LAMA2: variants seen among roughly 807,000 people sequenced by gnomAD.
The protein encoded by LAMA2 is laminin subunit alpha-2.
A neutral mutation model predicts 364.8 loss-of-function variants in LAMA2; 269 were observed. The observed-to-expected ratio is 0.74, with a 90% confidence interval of 0.67 to 0.82. LAMA2 has a LOEUF of 0.82. Among genes scored for constraint, LAMA2 ranks in the 40% least tolerant of loss-of-function variants. The pLI is 0.00. For missense variants in LAMA2, 3,807 were observed against 3,873.2 expected, an observed-to-expected ratio of 0.98 and a Z score of 0.45; for synonymous variants, 1,379 against 1,370.6, an observed-to-expected ratio of 1.01 and a Z score of -0.14.
In LAMA2 at chr6:129,478,833, T is replaced by C. The variant is rs768365411; in HGVS notation, c.7572+20T>C. 2 of 1,604,438 alleles carry C rather than the reference T, an allele frequency of 1.2e-6. No homozygotes were observed. Among genetic ancestry groups the C allele is most frequent in the Admixed American group, 3.3e-5 (2 of 59,990 alleles). Reference sequence around the variant, plus strand: ...CTGGAGGTTGGTCTGTTTTTGATAGTTCTCTAAACACATTTATATCAGATT... The same window carrying C: ...CTGGAGGTTGGTCTGTTTTTGATAGCTCTCTAAACACATTTATATCAGATT... On this transcript the variant is annotated intron_variant, in intron 54 of 64. Transcript: ENST00000421865.
At chr6:129,218,092 G>C (rs1480570784) in intron 12 of LAMA2, among the ~76,000 whole-genome samples, 1 of 152,062 alleles carries the variant, frequency 6.6e-6, no homozygotes, top group African/African-American at 2.4e-5. Context: ...ATGACATTAA[G>C]ACCAGCTTTG....
At chr6:128,936,765 T>C (rs1779839592) in intron 1 of LAMA2, among the ~76,000 whole-genome samples, 1 of 152,140 alleles carries the variant, frequency 6.6e-6, no homozygotes, top group Non-Finnish European at 1.5e-5. Context: ...GCCACCATGA[T>C]TAGATGAAAT....
chr6:128,961,333 A>AG lies in LAMA2; in HGVS notation c.112+77976_112+77977insG, dbSNP rs1367126324. ...GAACTAATATGATATATATATATAT[A>AG]TATATATATATATATATATATATAT... On this transcript the variant is annotated intron_variant, in intron 1 of 64. Transcript: ENST00000421865. 3.2e-4 allele frequency among the ~76,000 whole-genome samples: 12 copies of AG among 37,410 alleles called. 2 individuals are homozygous for AG. The highest frequency in any genetic ancestry group is 5.2e-4 in the Non-Finnish European group (11 of 21,070). The allele number at this position is 37,410 out of a possible 152,430, so 24.5% of individuals were successfully genotyped here. A position where few individuals can be genotyped will look rare whatever the true frequency, so the allele number is the denominator to read the frequency against.
At chr6:129,375,472 T>A (rs1778319940) in intron 34 of LAMA2, among the ~76,000 whole-genome samples, 1 of 152,220 alleles carries the variant, frequency 6.6e-6, no homozygotes, top group South Asian at 2.1e-4. Context: ...ACTGAAACTG[T>A]TTTTATAAGA....
chr6:129,034,082 G>A (rs981465154), intron 1 of LAMA2, among the ~76,000 whole-genome samples: 6 of 152,092 alleles, frequency 3.9e-5, no homozygotes, highest in South Asian at 2.1e-4. Flanking sequence ...TAGATAGTAA[G>A]TACTCAATAA....
intron 1 of LAMA2, among the ~76,000 whole-genome samples, chr6:128,923,790 C>T (rs1419367622): frequency 6.6e-6 from 1 of 152,114 alleles, no homozygotes; most frequent in African/African-American, 2.4e-5. Context: ...AGGTTTATTT[C>T]TCAATGATGC....
chr6:129,487,173 A>C (rs1784632791), intron 56 of LAMA2, among the ~76,000 whole-genome samples: 1 of 152,124 alleles, frequency 6.6e-6, no homozygotes, highest in South Asian at 2.1e-4. Flanking sequence ...GAACAGAATC[A>C]AGGGAGGGGA....
rs141322340 is a variant in LAMA2, at chr6:128,911,812, T to C, written c.112+28455T>C. Among the ~76,000 whole-genome samples the C allele has an allele frequency of 1.5e-3, 224 of 152,330 alleles. 1 individual carries two copies. Among genetic ancestry groups the C allele is most frequent in the African/African-American group, 5.3e-3 (219 of 41,580 alleles). On this transcript the variant is annotated intron_variant, in intron 1 of 64. Transcript: ENST00000421865. ...CTTTCCCAGAAGGCCCTCACTGTTTTTTTGCTGTCTTCTTCCACAGCCCTG... is the reference window on the plus strand; with the variant it reads ...CTTTCCCAGAAGGCCCTCACTGTTTCTTTGCTGTCTTCTTCCACAGCCCTG...
At position 129,252,208 on chromosome 6, in the gene LAMA2, G is replaced by A. The variant is rs149305108; in HGVS notation, c.2009G>A (p.Arg670His). The A allele has an allele frequency of 5.6e-5, 90 of 1,613,878 alleles. No individual in the cohort carries two copies. In the African/African-American group the frequency reaches 1.1e-3, roughly 19 times the overall value. ...ATACATGGCACACATTTTCCAGTCC[G>A]TAGAAAGGAATTTATGACAGTGCTT... ...FTIHGTHFPV[R>H]RKEFMTVLAN... Residue 670 changes from arginine to histidine, a missense_variant, in exon 14 of 65, where the codon CGT becomes CAT. This residue lies in a region of LAMA2 where 3,333 missense variants were observed against 3,345.7 expected (regional missense o/e 1.00). Transcript: ENST00000421865.
At chr6:129,181,395 A>T (rs534741737) in intron 10 of LAMA2, among the ~76,000 whole-genome samples, 4 of 152,104 alleles carry the variant, frequency 2.6e-5, no homozygotes, top group Admixed American at 6.6e-5. Flanking sequence ...AAATCATAAA[A>T]ATATGTTTAA....
At chr6:129,034,652 G>T (rs1249861583) in intron 1 of LAMA2, among the ~76,000 whole-genome samples, 1 of 151,858 alleles carries the variant, frequency 6.6e-6, no homozygotes, top group African/African-American at 2.4e-5. Flanking sequence ...GTATTCCTGG[G>T]TGTCTATTAT....
intron 1 of LAMA2, among the ~76,000 whole-genome samples, chr6:128,934,831 A>C (rs1779713956): frequency 6.6e-6 from 1 of 152,134 alleles, no homozygotes; most frequent in Admixed American, 6.5e-5. Flanking sequence ...TTTTCTAAAA[A>C]ATTGCCATTG....
intron 1 of LAMA2, among the ~76,000 whole-genome samples, chr6:129,005,495 A>G (rs1216620671): frequency 3.3e-5 from 5 of 151,966 alleles, no homozygotes; most frequent in Non-Finnish European, 5.9e-5. Flanking sequence ...CTTGTATTTT[A>G]CCAAATTCAT....
At chr6:129,047,503 C>T (rs937450053) in intron 1 of LAMA2, among the ~76,000 whole-genome samples, 1 of 152,068 alleles carries the variant, frequency 6.6e-6, no homozygotes, top group Non-Finnish European at 1.5e-5. Context: ...GGCAGGAGGC[C>T]AGATGAGAGT....
intron 1 of LAMA2, among the ~76,000 whole-genome samples, chr6:128,984,526 G>A (rs987581065): frequency 2.0e-5 from 3 of 151,936 alleles, no homozygotes; most frequent in African/African-American, 7.3e-5. Context: ...TTTCAACTTT[G>A]TGGACACTTC....
Position 129,492,057 on chromosome 6 carries a change from G to A in LAMA2, c.8055G>A (p.Trp2685Ter). ...RNIPPFEGCI[W>*]NLVINSVPMD... ...TTCCTCCTTTTGAAGGCTGCATATG[G>A]AATCTTGTTATTAACTCTGTGTAAG... The change falls in exon 57 of 65, where the codon TGG (tryptophan) becomes TGA (stop). Residue 2685 changes from tryptophan to a stop codon, truncating the protein, a stop_gained. Transcript: ENST00000421865. LOFTEE classifies it high-confidence loss of function. 1 of 1,613,856 alleles carries A rather than the reference G, an allele frequency of 6.2e-7. No homozygotes were observed. Among genetic ancestry groups the A allele is most frequent in the Non-Finnish European group, 8.5e-7 (1 of 1,179,850 alleles).
In LAMA2 at chr6:129,419,613, T is replaced by C. The variant is rs1383803223; in HGVS notation, c.5866-8139T>C. On this transcript the variant is annotated intron_variant, in intron 40 of 64. Coordinates refer to ENST00000421865, the MANE Select transcript of LAMA2 (RefSeq NM_000426.4). ...ACCATCCTTACTTCATTTTATATTT[T>C]TGAATGCTCCCTTGATTGTCCTTCT... Among the ~76,000 whole-genome samples the C allele has an allele frequency of 2.6e-5, 4 of 152,170 alleles. No homozygotes were observed. In the East Asian group the frequency reaches 5.8e-4, roughly 22 times the overall value.
In LAMA2 at chr6:129,288,050, A is replaced by G. The variant is rs749848434; in HGVS notation, c.2741A>G (p.Asn914Ser). 1.3e-5 allele frequency: 21 copies of G among 1,613,588 alleles called. No homozygotes were observed. Among genetic ancestry groups the G allele is most frequent in the African/African-American group, 2.7e-5 (2 of 74,892 alleles). The change falls in exon 19 of 65, where the codon AAC becomes AGC. Residue 914 changes from asparagine (N) to serine (S), a missense_variant. By Grantham distance (46) the Asn-to-Ser change is conservative (BLOSUM62 1). Transcript: ENST00000421865. ...TTTGGAGATGCAGTTGATGCGAAGA[A>G]CTGTCAGCGTAAGTCCTGAACTATT... ...GYFGDAVDAK[N>S]CQPCRCNAGG...
chr6:129,317,708 A>T (rs1774699807), intron 27 of LAMA2, among the ~76,000 whole-genome samples: 1 of 151,674 alleles, frequency 6.6e-6, no homozygotes, highest in African/African-American at 2.4e-5. Context: ...GTCTTAGAAA[A>T]TAGCAGGTAA....
Sources: allele counts gnomAD v4.1 joint callset (sites outside exome capture counted in the v4.1 genomes callset), GRCh38; gene constraint gnomAD v4.1.1; regional missense constraint gnomAD v4.1.1; transcripts MANE v1.5; gene names NCBI Gene and HGNC (gene_info 2026-07-23, HGNC 2026-07-21).